The following CNPY2 variants were observed in gnomAD, a reference collection of about 807,000 sequenced individuals.
The protein encoded by CNPY2 is canopy FGF signaling regulator 2.
A neutral mutation model predicts 25.5 loss-of-function variants in CNPY2; 19 were observed. The ratio of observed to expected loss-of-function variants is 0.74; its 90% CI spans 0.52 to 1.09. CNPY2 has a LOEUF of 1.09. Among genes scored for constraint, CNPY2 ranks in the 50% least tolerant of loss-of-function variants. The probability of loss-of-function intolerance (pLI) is 0.00; values close to 1 mark genes in which losing one functional copy is unlikely to be tolerated. For synonymous variants in CNPY2, 82 were observed against 85.0 expected (o/e 0.96, Z 0.19); for missense variants, 214 against 233.6 (o/e 0.92, Z 0.55).
chr12:56,314,351 T>G, intron 3 of CNPY2: 1 of 820,786 alleles, frequency 1.2e-6, no homozygotes, highest in Non-Finnish European at 1.5e-6. Context: ...TTGCATTTTT[T>G]TGTAGAGTTG....
chr12:56,314,668 G>A (rs2135937475), intron 3 of CNPY2, 183 bp downstream of exon 3: 1 of 1,451,742 alleles, frequency 6.9e-7, no homozygotes, highest in South Asian at 1.4e-5. Context: ...AAGTATTAAG[G>A]TTTGCAGCCA....
chr12:56,312,086 G>A (rs1873733967), intron 3 of CNPY2, among the ~76,000 whole-genome samples: 1 of 152,034 alleles, frequency 6.6e-6, no homozygotes, highest in Non-Finnish European at 1.5e-5. Flanking sequence ...CACCGTGCTA[G>A]CCAGGATGGT....
chr12:56,315,454 T>A (rs1298672406), intron 1 of CNPY2, among the ~76,000 whole-genome samples: 2 of 152,268 alleles, frequency 1.3e-5, no homozygotes, highest in Non-Finnish European at 2.9e-5. Flanking sequence ...AGCTCAGGAC[T>A]TGCGGCTCAG....
At position 56,315,167 on chromosome 12, in the gene CNPY2, G is replaced by A. The variant is rs1873864673; in HGVS notation, c.51C>T (p.Thr17=). Residue 17 remains threonine, a synonymous_variant, in exon 2 of 6, where the codon ACC becomes ACT. Coordinates refer to ENST00000273308, the MANE Select transcript of CNPY2 (RefSeq NM_014255.7). ...LALLLGALLG[T]AWARRSQDLH... ...GATCCTGGCTCCTCCGAGCCCAGGC[G>A]GTTCCCAGCAGGGCCCCCAGAAGCA... is the stretch of plus-strand genomic sequence containing the variant. The A allele has an allele frequency of 1.9e-6, 3 of 1,614,046 alleles. No homozygotes were observed. The South Asian group carries it at 3.3e-5, about 18-fold the overall frequency.
At chr12:56,313,050 T>A (rs1275537770) in intron 3 of CNPY2, among the ~76,000 whole-genome samples, 1 of 152,166 alleles carries the variant, frequency 6.6e-6, no homozygotes, top group South Asian at 2.1e-4. Context: ...GTTGCATAGG[T>A]ATACATGTGC....
In CNPY2 at chr12:56,313,601, TTTTTC is replaced by T. The variant is rs200993219; in HGVS notation, c.204+1245_204+1249del. On this transcript the variant is annotated intron_variant, in intron 3 of 5. Coordinates refer to ENST00000273308, the MANE Select transcript of CNPY2 (RefSeq NM_014255.7). ...AACAGCTATTAAAGTACCATAATCT[TTTTTC>T]TTTTCTTTTTTTTTTTTTGAGAGGA... Among the ~76,000 whole-genome samples, 877 of 151,658 alleles carry T rather than the reference TTTTTC, an allele frequency of 5.8e-3. 37 individuals carry two copies. The highest frequency in any genetic ancestry group is 0.053 in the Admixed American group (802 of 15,258).
Position 56,310,002 on chromosome 12 carries a change from C to T in CNPY2, c.*550G>A, listed in dbSNP as rs960500246. On this transcript the variant is annotated 3_prime_UTR_variant, in exon 6 of 6. Transcript: ENST00000273308. ...GTTGGTCACATCCATTTTCCCCTTC[C>T]TGTCTCTGTTCTTGCTGGTCCCTCC... 24 of 702,338 alleles carry T rather than the reference C, an allele frequency of 3.4e-5. No individual in the cohort carries two copies. Among genetic ancestry groups the T allele is most frequent in the Admixed American group, 3.0e-4 (15 of 50,000 alleles). The allele number at this position is 702,338 out of a possible 1,614,324, so 43.5% of individuals were successfully genotyped here.
intron 3 of CNPY2, among the ~76,000 whole-genome samples, chr12:56,314,277 C>T (rs546929504): frequency 2.6e-4 from 39 of 152,162 alleles, no homozygotes; most frequent in Middle Eastern, 3.4e-3. Flanking sequence ...CTCAAGTGAT[C>T]CTCCCACCTC....
At chr12:56,310,913 T>C in intron 5 of CNPY2, 45 bp downstream of exon 5, 2 of 1,552,562 alleles carry the variant, frequency 1.3e-6, no homozygotes, top group Non-Finnish European at 1.8e-6. Context: ...GAATGTCAGG[T>C]TCCACAGAGC....
At chr12:56,315,470 G>T (rs976644241) in intron 1 of CNPY2, among the ~76,000 whole-genome samples, 3 of 152,252 alleles carry the variant, frequency 2.0e-5, no homozygotes, top group Non-Finnish European at 4.4e-5. Context: ...CTCAGCCCCA[G>T]ACTCTACGTG....
At position 56,310,247 on chromosome 12, in the gene CNPY2, C is replaced by G. The variant is rs1421783847; in HGVS notation, c.*305G>C. On this transcript the variant is annotated 3_prime_UTR_variant, in exon 6 of 6. Coordinates refer to ENST00000273308, the MANE Select transcript of CNPY2 (RefSeq NM_014255.7). ...GAGTGGGCACTGACTGAAAGCTTAT[C>G]TAGTTTATGAGTGGAGTGGAATCTC... The G allele has an allele frequency of 1.7e-6, 1 of 598,778 alleles. No individual in the cohort carries two copies. Among genetic ancestry groups the G allele is most frequent in the Admixed American group, 3.0e-5 (1 of 33,742 alleles). 37.1% of individuals were successfully genotyped at this position (598,778 alleles called of 1,614,324 possible). A position where few individuals can be genotyped will look rare whatever the true frequency, so the allele number is the denominator to read the frequency against.
At position 56,311,212 on chromosome 12, in the gene CNPY2, G is replaced by A. The variant is rs762509546; in HGVS notation, c.407C>T (p.Ala136Val). 54 of 1,613,782 alleles carry A rather than the reference G, an allele frequency of 3.3e-5. No individual in the cohort carries two copies. The highest frequency in any genetic ancestry group is 3.3e-4 in the Middle Eastern group (2 of 6,082). ...CAGCTACCGATTCCCATAGCTCACC[G>A]CAAACTTGAGGGTGCCGCTAATATC... The part of the protein sequence containing the change: ...DSDISGTLKF[A>V]CESIVEEYED... The change falls in exon 4 of 6, where the codon GCG (alanine) becomes GTG (valine). Residue 136 changes from alanine (A) to valine (V), a missense_variant and splice_region_variant. Coordinates refer to ENST00000273308, the MANE Select transcript of CNPY2 (RefSeq NM_014255.7).
intron 3 of CNPY2, among the ~76,000 whole-genome samples, chr12:56,313,493 A>G (rs1873782810): frequency 6.7e-6 from 1 of 148,370 alleles, no homozygotes; most frequent in East Asian, 1.9e-4. Flanking sequence ...TCCATCTCAA[A>G]AAAATAATAA....
rs747273921 is a variant in CNPY2, at chr12:56,311,401, C to T, written c.218G>A (p.Arg73His). ...CAGCTCTGTGAGGTGGGCCTCTGAG[C>T]GGGCATAAGGCACCTAGAAATGTCC... ...SQSVVEVPYA[R>H]SEAHLTELLE... The change falls in exon 4 of 6, where the codon CGC (arginine) becomes CAC (histidine). Residue 73 changes from arginine to histidine, a missense_variant. Coordinates refer to ENST00000273308, the MANE Select transcript of CNPY2 (RefSeq NM_014255.7). 17 of 1,614,036 alleles carry T rather than the reference C, an allele frequency of 1.1e-5. No homozygotes were observed. The highest frequency in any genetic ancestry group is 4.5e-5 in the East Asian group (2 of 44,894).
intron 1 of CNPY2, 53 bp from the exon 2 acceptor site, chr12:56,315,295 CCT>C: frequency 9.4e-7 from 1 of 1,067,480 alleles, no homozygotes; most frequent in Non-Finnish European, 1.4e-6. Context: ...TCCATTTTTC[CCT>C]GACCCCCCCA....
rs1873676754 is a variant in CNPY2, at chr12:56,310,162, C to T, written c.*390G>A. The T allele has an allele frequency of 6.6e-6, 4 of 609,038 alleles. No individual in the cohort carries two copies. The highest frequency in any genetic ancestry group is 5.6e-5 in the African/African-American group (3 of 54,040). The allele number at this position is 609,038 out of a possible 1,614,324, so 37.7% of individuals were successfully genotyped here. On this transcript the variant is annotated 3_prime_UTR_variant, in exon 6 of 6. Coordinates refer to ENST00000273308, the MANE Select transcript of CNPY2 (RefSeq NM_014255.7). Reference sequence around the variant, plus strand: ...TTCTACACTACCATACACTATGTTCCCCTGCTTCCTCATGGAGGTTCCTCT... The same window carrying T: ...TTCTACACTACCATACACTATGTTCTCCTGCTTCCTCATGGAGGTTCCTCT...
chr12:56,312,391 T>A (rs1397693601), intron 3 of CNPY2: 1 of 43,316 alleles, frequency 2.3e-5, no homozygotes, highest in Non-Finnish European at 1.1e-4. Context: ...GCTACTTTTT[T>A]ATATTTTTTT....
In CNPY2 at chr12:56,309,844, T is replaced by C; in HGVS notation, c.*708A>G. On this transcript the variant is annotated 3_prime_UTR_variant, in exon 6 of 6. Transcript: ENST00000273308. ...ACTTATAGTCCAGATTGACAATGGC[T>C]AGTGATAGATACACTTTATTGTTGC... 1.4e-6 allele frequency: 1 copy of C among 698,874 alleles called. No individual in the cohort carries two copies. The highest frequency in any genetic ancestry group is 1.5e-5 in the South Asian group (1 of 66,604). The allele number at this position is 698,874 out of a possible 1,614,324, so 43.3% of individuals were successfully genotyped here. A position where few individuals can be genotyped will look rare whatever the true frequency, so the allele number is the denominator to read the frequency against.
chr12:56,311,125 G>A (rs1407029639), intron 4 of CNPY2, 71 bp from the exon 5 acceptor site: 1 of 1,601,006 alleles, frequency 6.2e-7, no homozygotes, highest in Non-Finnish European at 8.6e-7. Flanking sequence ...CCAAAGAGGA[G>A]GACAAGGATA....
Sources: allele counts gnomAD v4.1 joint callset (sites outside exome capture counted in the v4.1 genomes callset), GRCh38; gene constraint gnomAD v4.1.1; transcripts MANE v1.5; gene names NCBI Gene and HGNC (gene_info 2026-07-23, HGNC 2026-07-21).